The following TAF1A variants were observed in gnomAD, a reference collection of about 807,000 sequenced individuals.
The protein encoded by TAF1A is TATA box-binding protein-associated factor RNA polymerase I subunit A.
Under a neutral mutation model 61.6 loss-of-function variants are expected in TAF1A, and 42 were observed. The ratio of observed to expected loss-of-function variants is 0.68; its 90% CI spans 0.53 to 0.88. The LOEUF is 0.88. TAF1A is among the 40% of genes least tolerant of loss of function. The pLI is 0.00. For synonymous variants in TAF1A, 179 were observed against 177.7 expected (o/e 1.01, Z -0.06); for missense variants, 424 against 518.7 (o/e 0.82, Z 1.77).
rs187196901 is a variant in TAF1A, at chr1:222,586,361, G to A, written c.122-2064C>T. Among the ~76,000 whole-genome samples, 193 of 152,240 alleles carry A rather than the reference G, an allele frequency of 1.3e-3. 3 individuals are homozygous for A. The highest frequency in any genetic ancestry group is 0.011 in the Admixed American group (175 of 15,284). On this transcript the variant is annotated intron_variant, in intron 2 of 10. Transcript: ENST00000352967. The stretch of plus-strand genomic sequence containing the variant: ...TTCTCAGGCTAAGCTCCCTTCTATC[G>A]CTCAAGCTTTCACAACTGAGATTAT...
In TAF1A at chr1:222,558,743, G is replaced by A. The variant is rs1468236628; in HGVS notation, c.1270C>T (p.Gln424Ter). The A allele has an allele frequency of 1.3e-6, 2 of 1,546,652 alleles. No homozygotes were observed. The highest frequency in any genetic ancestry group is 1.8e-6 in the Non-Finnish European group (2 of 1,141,978). The change falls in exon 11 of 11, where the codon CAA (glutamine) becomes TAA (stop). Residue 424 changes from glutamine (Q) to a stop codon, truncating the protein, a stop_gained. Coordinates refer to ENST00000352967, the MANE Select transcript of TAF1A (RefSeq NM_005681.4). LOFTEE classifies it high-confidence loss of function. ...GCRYFRYILKQDHQILGKKIK... is the reference protein window; with the variant it reads ...GCRYFRYILK Reference sequence around the variant, plus strand: ...TTCTTCCCTAAGATTTGGTGATCTTGCTTTAAAATATACCGGAAATATCTA... The same window carrying A: ...TTCTTCCCTAAGATTTGGTGATCTTACTTTAAAATATACCGGAAATATCTA...
intron 7 of TAF1A, among the ~76,000 whole-genome samples, chr1:222,565,456 T>G (rs1368884380): frequency 6.6e-6 from 1 of 152,232 alleles, no homozygotes; most frequent in Non-Finnish European, 1.5e-5. Context: ...CATCTTGTCT[T>G]GAATATAAAT....
chr1:222,554,894 T>C (rs1659709492), downstream of TAF1A, among the ~76,000 whole-genome samples: 1 of 152,216 alleles, frequency 6.6e-6, no homozygotes, highest in South Asian at 2.1e-4. Flanking sequence ...TCACATTCCA[T>C]ATAATTAATC....
chr1:222,579,682 T>G (rs1343028295), intron 4 of TAF1A, 77 bp downstream of exon 4: 2 of 1,535,142 alleles, frequency 1.3e-6, no homozygotes, highest in Non-Finnish European at 1.8e-6. Flanking sequence ...TTAGGTTAAC[T>G]ACCTTATCAC....
chr1:222,577,683 A>G (rs753988810), intron 4 of TAF1A, 40 bp from the exon 5 acceptor site: 7 of 1,570,316 alleles, frequency 4.5e-6, no homozygotes, highest in Non-Finnish European at 6.1e-6. Context: ...TTAAGCCATT[A>G]GATAACCATT....
At chr1:222,577,394 C>T (rs749456608) in intron 5 of TAF1A, 51 bp downstream of exon 5, 28 of 1,464,288 alleles carry the variant, frequency 1.9e-5, no homozygotes, top group Non-Finnish European at 2.2e-5. Flanking sequence ...CCTTAAGATC[C>T]CTCTGCCCCT....
intron 5 of TAF1A, among the ~76,000 whole-genome samples, chr1:222,575,391 C>G (rs1660527659): frequency 6.6e-6 from 1 of 151,852 alleles, no homozygotes; most frequent in African/African-American, 2.4e-5. Context: ...ACCTGTAGTC[C>G]CAAGTCCTTG....
chr1:222,557,869 A>C (rs1485172991), downstream of TAF1A: 2 of 149,082 alleles, frequency 1.3e-5, no homozygotes, highest in East Asian at 4.0e-4. Flanking sequence ...TTATACTGAA[A>C]GAGTCTTTTT....
At chr1:222,560,396 G>A (rs746684969) in intron 10 of TAF1A, among the ~76,000 whole-genome samples, 3 of 152,102 alleles carry the variant, frequency 2.0e-5, no homozygotes, top group Non-Finnish European at 4.4e-5. Flanking sequence ...GTGTTACAAT[G>A]CCCACTTCAT....
At chr1:222,560,648 T>A (rs1359692353) in intron 10 of TAF1A, among the ~76,000 whole-genome samples, 1 of 152,234 alleles carries the variant, frequency 6.6e-6, no homozygotes, top group Non-Finnish European at 1.5e-5. Context: ...AGACTACTAA[T>A]TCCAAAATAA....
downstream of TAF1A, among the ~76,000 whole-genome samples, chr1:222,557,085 C>T (rs925083307): frequency 1.3e-5 from 2 of 149,864 alleles, no homozygotes; most frequent in Non-Finnish European, 3.0e-5. Context: ...GCACAATTTG[C>T]CCCCTAACCT....
chr1:222,555,488 C>A (rs910880125), downstream of TAF1A, among the ~76,000 whole-genome samples: 2 of 152,152 alleles, frequency 1.3e-5, no homozygotes, highest in East Asian at 3.9e-4. Context: ...ACGATCATCT[C>A]ACTTGTATGT....
intron 7 of TAF1A, chr1:222,568,737 C>G (rs910807595): frequency 6.6e-6 from 1 of 152,184 alleles, no homozygotes; most frequent in South Asian, 2.1e-4. Context: ...TCTTAGGCAG[C>G]AACTCCTCTC....
At chr1:222,582,593 G>A (rs896155044) in intron 3 of TAF1A, among the ~76,000 whole-genome samples, 22 of 151,874 alleles carry the variant, frequency 1.4e-4, no homozygotes, top group Non-Finnish European at 2.9e-4. Context: ...CCACTCCCAG[G>A]TGTAGACCCA....
chr1:222,564,263 T>A, intron 7 of TAF1A, 138 bp from the exon 8 acceptor site: 1 of 336,898 alleles, frequency 3.0e-6, no homozygotes, highest in Non-Finnish European at 5.6e-6. Flanking sequence ...ATACCCTGGC[T>A]CTTTATCTAG....
Position 222,569,501 on chromosome 1 carries a change from A to C in TAF1A, c.894+9T>G. ...ACCCTGGTCAAACATCGAGATAAAA[A>C]TTCTATACCTTAAGCACACTTATCA... is the stretch of plus-strand genomic sequence containing the variant. On this transcript the variant is annotated intron_variant, in intron 7 of 10. Transcript: ENST00000352967. 6.2e-7 allele frequency: 1 copy of C among 1,613,684 alleles called. No individual in the cohort carries two copies. The highest frequency in any genetic ancestry group is 8.5e-7 in the Non-Finnish European group (1 of 1,179,864).
At chr1:222,578,166 TGGAGA>T (rs1660646075) in intron 4 of TAF1A, among the ~76,000 whole-genome samples, 1 of 152,126 alleles carries the variant, frequency 6.6e-6, no homozygotes, top group Admixed American at 6.5e-5. Context: ...TCAGTTCAGA[TGGAGA>T]GGAAAGTGTA....
At chr1:222,588,121 G>A (rs1355009456) in intron 2 of TAF1A, among the ~76,000 whole-genome samples, 2 of 151,810 alleles carry the variant, frequency 1.3e-5, no homozygotes, top group Non-Finnish European at 2.9e-5. Flanking sequence ...GCAACTTCTT[G>A]AACACTTCCT....
intron 7 of TAF1A, chr1:222,569,144 T>A: frequency 1.5e-6 from 1 of 685,134 alleles, no homozygotes; most frequent in Non-Finnish European, 1.9e-6. Context: ...ATGTTCTATA[T>A]CATGATTACC....
Sources: gnomAD v4.1 joint callset for allele counts (sites outside exome capture counted in the v4.1 genomes callset) on GRCh38, gnomAD v4.1.1 for gene constraint, MANE v1.5 for transcripts, NCBI Gene and HGNC (gene_info 2026-07-23, HGNC 2026-07-21) for gene names.